SYNE1: variants seen among roughly 807,000 people sequenced by gnomAD.
SYNE1 encodes nesprin-1.
Under a neutral mutation model 1,111.0 loss-of-function variants are expected in SYNE1, and 616 were observed. The ratio of observed to expected loss-of-function variants is 0.55; its 90% confidence interval spans 0.52 to 0.59. The LOEUF is 0.59. SYNE1 is among the 20% of genes least tolerant of loss of function. The pLI, the probability that SYNE1 is intolerant of heterozygous loss-of-function variation, is 0.00. For missense variants in SYNE1, 10,006 were observed against 10,417.0 expected, an observed-to-expected ratio of 0.96 and a Z score of 1.72; for synonymous variants, 3,855 against 3,825.8, an observed-to-expected ratio of 1.01 and a Z score of -0.28.
rs764137202 is a variant in SYNE1 at position 152,344,102 on chromosome 6, A to C, written c.12204T>G (p.Ser4068Arg). The change falls in exon 74 of 146, where the codon AGT becomes AGG. Residue 4068 changes from serine (S) to arginine (R), a missense_variant. By Grantham distance (110) the Ser-to-Arg change is moderately radical (BLOSUM62 -1). Transcript: ENST00000367255. The part of the protein sequence containing the change: ...DLEPSPQPPL[S>R]RAEAIKQVKH... ...CTACCTGCTTAATGGCTTCTGCCCTACTAAGAGGTGGTTGAGGACTTGGCT... is the reference window on the plus strand; with the variant it reads ...CTACCTGCTTAATGGCTTCTGCCCTCCTAAGAGGTGGTTGAGGACTTGGCT... 6.2e-7 allele frequency: 1 copy of C among 1,614,224 alleles called. No individual in the cohort carries two copies. The highest frequency in any genetic ancestry group is 1.6e-4 in the Middle Eastern group (1 of 6,062).
intron 104 of SYNE1, among the ~76,000 whole-genome samples, chr6:152,251,106 C>A (rs1011036153): frequency 2.6e-5 from 4 of 152,092 alleles, no homozygotes; most frequent in Non-Finnish European, 4.4e-5. Context: ...TGCACCACCA[C>A]GTCTGGCTAA....
intron 58 of SYNE1, among the ~76,000 whole-genome samples, chr6:152,373,880 T>C (rs2097232223): frequency 6.6e-6 from 1 of 152,188 alleles, no homozygotes; most frequent in Non-Finnish European, 1.5e-5. Flanking sequence ...GGAGCTGGAT[T>C]ATGATTTTGG....
chr6:152,210,708 C>T (rs2077367118), intron 124 of SYNE1, among the ~76,000 whole-genome samples: 1 of 152,050 alleles, frequency 6.6e-6, no homozygotes, highest in Non-Finnish European at 1.5e-5. Context: ...ACACATGAGG[C>T]TAATACTCCA....
chr6:152,356,201 A>G (rs899982701), intron 66 of SYNE1, among the ~76,000 whole-genome samples: 16 of 152,154 alleles, frequency 1.1e-4, no homozygotes, highest in African/African-American at 3.6e-4. Flanking sequence ...GTAGTATGAA[A>G]AAAACCACAG....
chr6:152,499,235 T>C (rs1440466437), intron 10 of SYNE1, among the ~76,000 whole-genome samples: 11 of 151,978 alleles, frequency 7.2e-5, no homozygotes, highest in African/African-American at 2.7e-4. Flanking sequence ...AACAGATGGG[T>C]GAAAAAATAA....
In SYNE1 at chr6:152,502,799, A is replaced by T. The variant is rs115783606; in HGVS notation, c.779-57T>A. ...TAATTAGCATTCATTGGATTTTGAT[A>T]ATACAAGTTTGGTATCTAGCTATCA... On this transcript the variant is annotated intron_variant, in intron 9 of 145. Transcript: ENST00000367255. 8.0e-4 allele frequency: 1,046 copies of T among 1,313,032 alleles called. 6 individuals are homozygous for T. In the African/African-American group the frequency reaches 0.01, roughly 13 times the overall value. The allele number at this position is 1,313,032 out of a possible 1,614,324, so 81.3% of individuals were successfully genotyped here. A position where few individuals can be genotyped will look rare whatever the true frequency, so the allele number is the denominator to read the frequency against.
At chr6:152,484,148 G>A (rs1268250119) in intron 13 of SYNE1, among the ~76,000 whole-genome samples, 1 of 151,828 alleles carries the variant, frequency 6.6e-6, no homozygotes, top group Non-Finnish European at 1.5e-5. Context: ...GGAGGTTGAA[G>A]CTGCAGTGAG....
In SYNE1 at chr6:152,145,627, C is replaced by A. The variant is rs532718709; in HGVS notation, c.24977-1862G>T. The A allele has an allele frequency of 2.3e-5, 32 of 1,391,194 alleles. No individual in the cohort carries two copies. In the African/African-American group the frequency reaches 4.2e-4, roughly 18 times the overall value. 86.2% of individuals were successfully genotyped at this position (1,391,194 alleles called of 1,614,324 possible). A position where few individuals can be genotyped will look rare whatever the true frequency, so the allele number is the denominator to read the frequency against. On this transcript the variant is annotated intron_variant, in intron 137 of 145. Coordinates refer to ENST00000367255, the MANE Select transcript of SYNE1 (RefSeq NM_182961.4). The stretch of plus-strand genomic sequence containing the variant: ...CTGAATCCCTTGTGCAGGAAAATAA[C>A]TTTCCTAGGGGAAAAAAAGGAAGTC...
chr6:152,441,321 T>C (rs374714504), intron 31 of SYNE1, 51 bp from the exon 32 acceptor site: 38 of 1,555,158 alleles, frequency 2.4e-5, no homozygotes, highest in Non-Finnish European at 3.3e-5. Flanking sequence ...CACACAATAC[T>C]ATCATATTTT....
chr6:152,471,663 C>T lies in SYNE1; in HGVS notation c.1566G>A (p.Lys522=). The change falls in exon 16 of 146, where the codon AAG becomes AAA. Residue 522 remains lysine, a synonymous_variant. Coordinates refer to ENST00000367255, the MANE Select transcript of SYNE1 (RefSeq NM_182961.4). ...CGTACTTAATGATCCAAGACTTCAG[C>T]TTTGACTCTGCAAGAACCAGCAGTG... ...LLSLLVLAES[K]LKSWIIKYGR... is the part of the protein sequence containing the mutation. 6.2e-7 allele frequency: 1 copy of T among 1,614,018 alleles called. No homozygotes were observed. Among genetic ancestry groups the T allele is most frequent in the Non-Finnish European group, 8.5e-7 (1 of 1,179,906 alleles).
intron 45 of SYNE1, among the ~76,000 whole-genome samples, chr6:152,405,261 T>C (rs2097880496): frequency 6.6e-6 from 1 of 152,224 alleles, no homozygotes; most frequent in African/African-American, 2.4e-5. Context: ...TCATATCTAA[T>C]GTGGCTCGGA....
intron 3 of SYNE1, among the ~76,000 whole-genome samples, chr6:152,606,097 T>C (rs1233483518): frequency 6.6e-6 from 1 of 152,180 alleles, no homozygotes; most frequent in African/African-American, 2.4e-5. Context: ...GGCTTGGCAG[T>C]GCTTGGAGAG....
Position 152,310,393 on chromosome 6 carries a change from T to C in SYNE1, c.17019+3A>G. 1 of 1,614,122 alleles carries C rather than the reference T, an allele frequency of 6.2e-7. No homozygotes were observed. The highest frequency in any genetic ancestry group is 2.2e-5 in the East Asian group (1 of 44,874). On this transcript the variant is annotated splice_donor_region_variant and intron_variant, in intron 89 of 145. Transcript: ENST00000367255. ...CTATTTACTCCAAGTTAGTTTGGCT[T>C]ACCTGCCGATGAGAGAGCTGCTCCT... is the stretch of plus-strand genomic sequence containing the variant.
chr6:152,383,897 C>T (rs955780967), intron 55 of SYNE1, among the ~76,000 whole-genome samples: 2 of 152,186 alleles, frequency 1.3e-5, no homozygotes, highest in Non-Finnish European at 2.9e-5. Flanking sequence ...TCACCAGGCT[C>T]CTCCGCATGC....
chr6:152,191,465 T>C (rs1202652401), intron 127 of SYNE1, among the ~76,000 whole-genome samples: 1 of 152,130 alleles, frequency 6.6e-6, no homozygotes, highest in African/African-American at 2.4e-5. Flanking sequence ...TTACTTGCTA[T>C]TGGTCTGCTT....
chr6:152,464,945 G>A (rs991625902), intron 18 of SYNE1: 12 of 409,296 alleles, frequency 2.9e-5, no homozygotes, highest in African/African-American at 2.4e-4. Context: ...AAACAAAGTT[G>A]TTTTCATCCT....
chr6:152,125,686 G>A (rs984930071), intron 145 of SYNE1: 1 of 202,038 alleles, frequency 4.9e-6, no homozygotes, highest in African/African-American at 2.3e-5. Context: ...TTAAATACCT[G>A]ACTAATTTTC....
chr6:152,501,778 T>C (rs2099031300), intron 10 of SYNE1, among the ~76,000 whole-genome samples: 1 of 151,856 alleles, frequency 6.6e-6, no homozygotes, highest in African/African-American at 2.4e-5. Flanking sequence ...AATGTTTTAT[T>C]ACAAGATTGT....
intron 3 of SYNE1, among the ~76,000 whole-genome samples, chr6:152,608,704 G>A (rs2099622882): frequency 6.6e-6 from 1 of 152,184 alleles, no homozygotes. Context: ...GGGAAGCCAA[G>A]GCAGGCAGAT....
Sources: allele counts gnomAD v4.1 joint callset (sites outside exome capture counted in the v4.1 genomes callset), GRCh38; gene constraint gnomAD v4.1.1; transcripts MANE v1.5; gene names NCBI Gene and HGNC (gene_info 2026-07-23, HGNC 2026-07-21).